Variants in BICC1 observed in about 807,000 individuals in gnomAD.
The protein encoded by BICC1 is BicC family RNA binding protein 1, also known as protein bicaudal C homolog 1.
Under a neutral mutation model 111.0 loss-of-function variants are expected in BICC1, and 43 were observed. That is an observed-to-expected ratio of 0.39 (90% CI 0.30 to 0.50). The LOEUF is 0.50. Among genes scored for constraint, BICC1 ranks in the 20% least tolerant of loss-of-function variants. BICC1 has a pLI of 0.88. For synonymous variants in BICC1, 467 were observed against 434.4 expected (o/e 1.07, Z -0.93); for missense variants, 1,091 against 1,203.2 (o/e 0.91, Z 1.38).
chr10:58,814,448 C>G (rs973066548), intron 18 of BICC1: 1 of 289,272 alleles, frequency 3.5e-6, no homozygotes, highest in Non-Finnish European at 6.4e-6. Context: ...GTAATGTACA[C>G]ACATGCATCC....
At chr10:58,620,317 A>G (rs1487904416) in intron 1 of BICC1, among the ~76,000 whole-genome samples, 1 of 152,236 alleles carries the variant, frequency 6.6e-6, no homozygotes, top group Non-Finnish European at 1.5e-5. Context: ...TGTGACCGTC[A>G]CCATTACTGT....
intron 3 of BICC1, among the ~76,000 whole-genome samples, chr10:58,707,225 G>C (rs986441730): frequency 2.0e-5 from 3 of 152,214 alleles, no homozygotes; most frequent in Non-Finnish European, 1.5e-5. Context: ...ATGTTAGCAT[G>C]AGAAAAATAG....
chr10:58,734,045 T>C (rs570231810), intron 3 of BICC1, among the ~76,000 whole-genome samples: 103 of 152,346 alleles, frequency 6.8e-4, no homozygotes, highest in Admixed American at 3.1e-3. Flanking sequence ...CACTTCCATC[T>C]GTGGGAAAAG....
intron 3 of BICC1, among the ~76,000 whole-genome samples, chr10:58,718,765 T>TGTGTGTGTGTGC (rs369039194): frequency 1.3e-5 from 2 of 148,154 alleles, no homozygotes; most frequent in African/African-American, 4.9e-5. Context: ...TGTGTGTGTG[T>TGTGTGTGTGTGC]GCGCGCGCGC....
chr10:58,659,901 GTTA>G (rs549139278), intron 2 of BICC1, among the ~76,000 whole-genome samples: 2 of 152,138 alleles, frequency 1.3e-5, no homozygotes, highest in Admixed American at 6.5e-5. Context: ...TACTAATACT[GTTA>G]TTATTATTAT....
intron 1 of BICC1, among the ~76,000 whole-genome samples, chr10:58,567,512 A>G (rs1843806360): frequency 1.3e-5 from 2 of 151,648 alleles, no homozygotes; most frequent in South Asian, 2.1e-4. Context: ...GGGTGTATGT[A>G]TATGTATCTT....
At chr10:58,692,634 GTT>G (rs1839944105) in intron 2 of BICC1, among the ~76,000 whole-genome samples, 2 of 152,192 alleles carry the variant, frequency 1.3e-5, no homozygotes, top group African/African-American at 4.8e-5. Context: ...AACTTGTTAA[GTT>G]CGAATAGTGC....
intron 1 of BICC1, among the ~76,000 whole-genome samples, chr10:58,518,488 C>T (rs1842300433): frequency 1.3e-5 from 2 of 150,116 alleles, no homozygotes; most frequent in South Asian, 4.2e-4. Context: ...TACTGTCTCA[C>T]ATGATGGATA....
intron 1 of BICC1, among the ~76,000 whole-genome samples, chr10:58,519,949 C>T (rs936839784): frequency 2.0e-5 from 3 of 152,176 alleles, no homozygotes; most frequent in Admixed American, 2.0e-4. Flanking sequence ...ACTGTCCACA[C>T]ATGTCAGATT....
At chr10:58,557,166 G>T (rs1658443) in intron 1 of BICC1, among the ~76,000 whole-genome samples, 69,850 of 151,848 alleles carry the variant, frequency 0.46, 17,111 homozygotes, top group Admixed American at 0.62. Flanking sequence ...GGTTGACGGT[G>T]TTTTAAAATT....
intron 1 of BICC1, among the ~76,000 whole-genome samples, chr10:58,546,482 T>C (rs565503371): frequency 2.0e-5 from 3 of 152,300 alleles, no homozygotes; most frequent in African/African-American, 7.2e-5. Context: ...GAAAAATATT[T>C]ATGGGCCAAG....
intron 1 of BICC1, among the ~76,000 whole-genome samples, chr10:58,565,241 A>G (rs557742774): frequency 4.7e-4 from 71 of 152,356 alleles, no homozygotes; most frequent in African/African-American, 1.6e-3. Flanking sequence ...TCAATTAGCC[A>G]TTACATAATT....
intron 1 of BICC1, among the ~76,000 whole-genome samples, chr10:58,548,718 G>T (rs1446658936): frequency 6.6e-6 from 1 of 152,076 alleles, no homozygotes; most frequent in Non-Finnish European, 1.5e-5. Flanking sequence ...TCACACAAAT[G>T]TCATATAGTA....
At chr10:58,811,774 A>C (rs1340131898) in intron 17 of BICC1, among the ~76,000 whole-genome samples, 1 of 152,240 alleles carries the variant, frequency 6.6e-6, no homozygotes, top group Non-Finnish European at 1.5e-5. Flanking sequence ...TTGGGTAGTC[A>C]TAAAGCAGAC....
At chr10:58,602,086 A>G (rs934526209) in intron 1 of BICC1, among the ~76,000 whole-genome samples, 6 of 152,178 alleles carry the variant, frequency 3.9e-5, no homozygotes, top group Admixed American at 2.6e-4. Context: ...GGCCTGAAAC[A>G]TTTAAGTTTC....
At chr10:58,756,626 CTTTTTTTTT>C (rs66709538) in intron 3 of BICC1, among the ~76,000 whole-genome samples, 2 of 135,890 alleles carry the variant, frequency 1.5e-5, no homozygotes, top group African/African-American at 5.9e-5. Flanking sequence ...AACTACTAGC[CTTTTTTTTT>C]TTTTTTTTTT....
At chr10:58,807,876 A>G (rs1843760274) in intron 17 of BICC1, among the ~76,000 whole-genome samples, 1 of 152,136 alleles carries the variant, frequency 6.6e-6, no homozygotes, top group South Asian at 2.1e-4. Flanking sequence ...GACTGTACAC[A>G]CCCAAACATG....
chr10:58,799,030 T>G, intron 11 of BICC1, 26 bp from the exon 12 acceptor site: 1 of 1,461,668 alleles, frequency 6.8e-7, no homozygotes, highest in Non-Finnish European at 9.3e-7. Context: ...CTTCCTAATA[T>G]CTGTCATCAT....
intron 15 of BICC1, among the ~76,000 whole-genome samples, chr10:58,805,913 C>G (rs1366168993): frequency 6.6e-6 from 1 of 152,204 alleles, no homozygotes; most frequent in Non-Finnish European, 1.5e-5. Context: ...CTCACATACA[C>G]TTGACTACAT....
Sources: gnomAD v4.1 joint callset for allele counts (sites outside exome capture counted in the v4.1 genomes callset) on GRCh38, gnomAD v4.1.1 for gene constraint, MANE v1.5 for transcripts, NCBI Gene and HGNC (gene_info 2026-07-23, HGNC 2026-07-21) for gene names.